ADAM17: variants seen among roughly 807,000 people sequenced by gnomAD.
ADAM17 encodes ADAM metallopeptidase domain 17.
A neutral mutation model predicts 96.7 loss-of-function variants in ADAM17; 39 were observed. That is an observed-to-expected ratio of 0.40 (90% CI 0.31 to 0.53). ADAM17 has a LOEUF of 0.53. Ranked by LOEUF, ADAM17 falls within the 20% of genes least tolerant of loss-of-function variation. The pLI, the probability that ADAM17 is intolerant of heterozygous loss-of-function variation, is 0.44. For synonymous variants in ADAM17, 344 were observed against 359.2 expected, an observed-to-expected ratio of 0.96 and a Z score of 0.48; for missense variants, 777 against 1,013.2, an observed-to-expected ratio of 0.77 and a Z score of 3.17.
intron 1 of ADAM17, 113 bp downstream of exon 1, chr2:9,555,396 C>T (rs1572967823): frequency 3.5e-6 from 3 of 860,444 alleles, no homozygotes; most frequent in East Asian, 5.7e-5. Flanking sequence ...CTTAGGGACG[C>T]GCCACCATCG....
Position 9,545,816 on chromosome 2 carries a change from G to A in ADAM17, c.98-2531C>T, listed in dbSNP as rs112811179. ...AAAAGGTTTTTAAGAACATGGGGCT[G>A]AGGGCGGTGGCTCGCTCCTGTAATC... is the stretch of plus-strand genomic sequence containing the variant. On this transcript the variant is annotated intron_variant, in intron 1 of 18. Coordinates refer to ENST00000310823, the MANE Select transcript of ADAM17 (RefSeq NM_003183.6). 3.2e-3 allele frequency among the ~76,000 whole-genome samples: 484 copies of A among 152,270 alleles called. 13 individuals are homozygous for A. The highest frequency in any genetic ancestry group is 0.01 in the Middle Eastern group (3 of 294).
At chr2:9,532,164 C>T (rs1490717908) in intron 4 of ADAM17, among the ~76,000 whole-genome samples, 3 of 152,156 alleles carry the variant, frequency 2.0e-5, no homozygotes, top group Non-Finnish European at 2.9e-5. Flanking sequence ...TTTTCCTGCT[C>T]ACTTATATTC....
At chr2:9,521,098 G>T in intron 8 of ADAM17, 105 bp downstream of exon 8, 2 of 852,978 alleles carry the variant, frequency 2.3e-6, no homozygotes, top group East Asian at 2.6e-5. Context: ...GACTGCTTCT[G>T]GGTGTCCATC....
intron 13 of ADAM17, among the ~76,000 whole-genome samples, chr2:9,500,083 A>AAACTCATAG (rs1662908661): frequency 1.8e-5 from 2 of 108,310 alleles, no homozygotes; most frequent in African/African-American, 6.4e-5. Context: ...GTCCACACAA[A>AAACTCATAG]AACTCATAGA....
At position 9,536,233 on chromosome 2, in the gene ADAM17, T is replaced by C. The variant is rs572640765; in HGVS notation, c.362-311A>G. Reference sequence around the variant, plus strand: ...GAGAGACAGAAAGCATGATTTAGAATGTACAGGCCTAGGAACTATACTATT... The same window carrying C: ...GAGAGACAGAAAGCATGATTTAGAACGTACAGGCCTAGGAACTATACTATT... On this transcript the variant is annotated intron_variant, in intron 3 of 18. Coordinates refer to ENST00000310823, the MANE Select transcript of ADAM17 (RefSeq NM_003183.6). Among the ~76,000 whole-genome samples, 5 of 152,332 alleles carry C rather than the reference T, an allele frequency of 3.3e-5. No homozygotes were observed. The East Asian group carries it at 9.7e-4, about 29-fold the overall frequency.
chr2:9,550,356 T>A (rs1471287928), intron 1 of ADAM17, among the ~76,000 whole-genome samples: 1 of 151,928 alleles, frequency 6.6e-6, no homozygotes, highest in Non-Finnish European at 1.5e-5. Context: ...AGGATGCAAG[T>A]TTCAGGTTAG....
intron 10 of ADAM17, among the ~76,000 whole-genome samples, chr2:9,516,300 G>A (rs1664052315): frequency 1.3e-5 from 2 of 150,954 alleles, no homozygotes; most frequent in Admixed American, 1.3e-4. Context: ...TCTTGCCCAG[G>A]TTAGTTTCAA....
At chr2:9,521,547 T>C in intron 7 of ADAM17, 1 of 205,882 alleles carries the variant, frequency 4.9e-6, no homozygotes, top group Non-Finnish European at 9.7e-6. Context: ...AAATGTACTC[T>C]TAAATTTTCA....
rs1663055217 is a variant in ADAM17 at position 9,502,360 on chromosome 2, C to A, written c.1545-84G>T. Reference sequence around the variant, plus strand: ...AAACGCTACAGTTACGTTACAGTGACCTGAAGATCACCGGGGAAGACCTCC... The same window carrying A: ...AAACGCTACAGTTACGTTACAGTGAACTGAAGATCACCGGGGAAGACCTCC... On this transcript the variant is annotated intron_variant, in intron 12 of 18. Transcript: ENST00000310823. 7 of 1,194,170 alleles carry A rather than the reference C, an allele frequency of 5.9e-6. No homozygotes were observed. The South Asian group carries it at 9.0e-5, about 15-fold the overall frequency. The allele number at this position is 1,194,170 out of a possible 1,614,324, so 74.0% of individuals were successfully genotyped here. A position where few individuals can be genotyped will look rare whatever the true frequency, so the allele number is the denominator to read the frequency against.
chr2:9,532,225 A>C (rs1664774267), intron 4 of ADAM17, among the ~76,000 whole-genome samples: 1 of 152,212 alleles, frequency 6.6e-6, no homozygotes, highest in Admixed American at 6.5e-5. Flanking sequence ...GTAAGTGTAA[A>C]GAATTATTTT....
chr2:9,542,596 TTTAAA>T (rs1323705308), intron 2 of ADAM17, among the ~76,000 whole-genome samples: 4 of 152,176 alleles, frequency 2.6e-5, no homozygotes, highest in African/African-American at 4.8e-5. Context: ...ATTCAATTAA[TTTAAA>T]TTATGTTAGA....
chr2:9,510,663 CA>C (rs57462514), intron 10 of ADAM17, among the ~76,000 whole-genome samples: 8,289 of 84,792 alleles, frequency 0.098, 720 homozygotes, highest in African/African-American at 0.29. Context: ...GACTTCGTCT[CA>C]AAAAAAAAAA....
At chr2:9,505,526 T>C (rs1367042249) in intron 11 of ADAM17, 161 bp from the exon 12 acceptor site, 2 of 678,800 alleles carry the variant, frequency 2.9e-6, no homozygotes, top group Non-Finnish European at 2.5e-6. Flanking sequence ...CAAAGGCCAC[T>C]GATATGGAAC....
At chr2:9,544,261 C>T (rs574872965) in intron 1 of ADAM17, among the ~76,000 whole-genome samples, 147 of 152,272 alleles carry the variant, frequency 9.7e-4, no homozygotes, top group African/African-American at 3.3e-3. Context: ...CAAATGAGGC[C>T]ATGCATGGTG....
At chr2:9,498,188 C>T (rs1440390456) in intron 13 of ADAM17, among the ~76,000 whole-genome samples, 1 of 151,242 alleles carries the variant, frequency 6.6e-6, no homozygotes, top group Non-Finnish European at 1.5e-5. Context: ...CGCCACCATA[C>T]CTGGCTAATT....
At chr2:9,491,980 CCTTCAGCTTT>C (rs1431448859) in intron 17 of ADAM17, among the ~76,000 whole-genome samples, 2 of 152,346 alleles carry the variant, frequency 1.3e-5, no homozygotes, top group East Asian at 3.9e-4. Context: ...AAGCACGTCA[CCTTCAGCTTT>C]CTTCAGCACA....
intron 13 of ADAM17, among the ~76,000 whole-genome samples, chr2:9,497,454 T>C (rs1662699542): frequency 6.6e-6 from 1 of 152,260 alleles, no homozygotes; most frequent in Admixed American, 6.5e-5. Context: ...CTAGGCTGCA[T>C]GAGTCCCTGG....
At chr2:9,499,113 C>CT (rs59259119) in intron 13 of ADAM17, among the ~76,000 whole-genome samples, 9,593 of 47,398 alleles carry the variant, frequency 0.2, 917 homozygotes, top group Middle Eastern at 0.31. Context: ...CTTTCTTCTT[C>CT]TTTTTTTTTT....
rs1661996092 is a variant in ADAM17 at position 9,490,116 on chromosome 2, T to TTGA, written c.*60_*61insTCA. 4 of 301,792 alleles carry TTGA rather than the reference T, an allele frequency of 1.3e-5. No individual in the cohort carries two copies. The highest frequency in any genetic ancestry group is 2.3e-5 in the Non-Finnish European group (4 of 170,962). 18.7% of individuals were successfully genotyped at this position (301,792 alleles called of 1,614,324 possible). Reference sequence around the variant, plus strand: ...TTCACAAAATACAAGCTGTGATTGATTTGTAGGTCAAATCTATAAAAATAT... The same window carrying TTGA: ...TTCACAAAATACAAGCTGTGATTGATTGATTGTAGGTCAAATCTATAAAAATAT... On this transcript the variant is annotated 3_prime_UTR_variant, in exon 19 of 19. Coordinates refer to ENST00000310823, the MANE Select transcript of ADAM17 (RefSeq NM_003183.6).
Sources: allele counts gnomAD v4.1 joint callset (sites outside exome capture counted in the v4.1 genomes callset), GRCh38; gene constraint gnomAD v4.1.1; transcripts MANE v1.5; gene names NCBI Gene and HGNC (gene_info 2026-07-23, HGNC 2026-07-21).